The following ME1 variants were observed in gnomAD, a reference collection of about 807,000 sequenced individuals.
ME1 encodes NADP-dependent malic enzyme.
Under a neutral mutation model 66.4 loss-of-function variants are expected in ME1, and 74 were observed. The observed-to-expected ratio is 1.11, with a 90% CI of 0.92 to 1.35. ME1 has a LOEUF of 1.35. Among genes scored for constraint, ME1 ranks in the 40% most tolerant of loss-of-function variants. ME1 has a pLI of 0.00. For missense variants in ME1, 750 were observed against 694.1 expected, an observed-to-expected ratio of 1.08 and a Z score of -0.90; for synonymous variants, 251 against 235.6, an observed-to-expected ratio of 1.07 and a Z score of -0.60.
At chr6:83,287,136 CATT>C (rs1216411401) in intron 6 of ME1, among the ~76,000 whole-genome samples, 1 of 151,988 alleles carries the variant, frequency 6.6e-6, no homozygotes, top group Non-Finnish European at 1.5e-5. Context: ...AAATATGTAA[CATT>C]AATCTTATCA....
intron 12 of ME1, among the ~76,000 whole-genome samples, chr6:83,218,249 C>G (rs1790028139): frequency 6.6e-6 from 1 of 152,108 alleles, no homozygotes; most frequent in South Asian, 2.1e-4. Flanking sequence ...ACAGCCACCC[C>G]CTTCCAGAAG....
chr6:83,411,913 A>G (rs1009478225), intron 1 of ME1, among the ~76,000 whole-genome samples: 20 of 152,182 alleles, frequency 1.3e-4, no homozygotes, highest in African/African-American at 4.8e-4. Flanking sequence ...GCAGAATGGT[A>G]CGTTGTTTCA....
At chr6:83,309,706 T>C (rs1767895163) in intron 6 of ME1, among the ~76,000 whole-genome samples, 1 of 152,038 alleles carries the variant, frequency 6.6e-6, no homozygotes, top group Non-Finnish European at 1.5e-5. Context: ...TATGACTTGA[T>C]GAGATTACCA....
Position 83,385,460 on chromosome 6 carries a change from A to C in ME1, c.362+12907T>G, listed in dbSNP as rs919724757. Among the ~76,000 whole-genome samples, 3 of 151,946 alleles carry C rather than the reference A, an allele frequency of 2.0e-5. No homozygotes were observed. In the East Asian group the frequency reaches 5.8e-4, roughly 29 times the overall value. On this transcript the variant is annotated intron_variant, in intron 3 of 13. Coordinates refer to ENST00000369705, the MANE Select transcript of ME1 (RefSeq NM_002395.6). ...CCTGAACGTACCACACAGATTGTAC[A>C]AAAGTTATTTTTGGATCCTAAACTA...
intron 1 of ME1, among the ~76,000 whole-genome samples, chr6:83,430,135 G>A (rs1770456906): frequency 6.6e-6 from 1 of 152,096 alleles, no homozygotes; most frequent in Non-Finnish European, 1.5e-5. Context: ...AATAAAAAGA[G>A]AGCAGCTCTA....
intron 3 of ME1, among the ~76,000 whole-genome samples, chr6:83,374,441 T>C (rs1376743967): frequency 6.6e-6 from 1 of 152,184 alleles, no homozygotes; most frequent in Admixed American, 6.5e-5. Flanking sequence ...CACTTTTTGA[T>C]GGGGTTGTTT....
chr6:83,263,803 CATAACATAACATAACATAACATAACAT>C (rs1766940537), intron 6 of ME1, among the ~76,000 whole-genome samples: 1 of 147,456 alleles, frequency 6.8e-6, no homozygotes, highest in African/African-American at 2.5e-5. Flanking sequence ...CATAACATAA[CATAACATAACATAACATAACATAACAT>C]AACATAACAT....
chr6:83,294,331 T>A (rs1767555670), intron 6 of ME1, among the ~76,000 whole-genome samples: 1 of 152,198 alleles, frequency 6.6e-6, no homozygotes, highest in South Asian at 2.1e-4. Context: ...AGTCTTCAGA[T>A]ACACCATCTC....
intron 2 of ME1, among the ~76,000 whole-genome samples, chr6:83,399,836 C>T (rs1769808487): frequency 6.6e-6 from 1 of 152,158 alleles, no homozygotes; most frequent in African/African-American, 2.4e-5. Flanking sequence ...GTAAGAGATG[C>T]ATGGATTCCA....
At chr6:83,342,834 G>T (rs561277669) in intron 5 of ME1, among the ~76,000 whole-genome samples, 1 of 152,180 alleles carries the variant, frequency 6.6e-6, no homozygotes, top group African/African-American at 2.4e-5. Flanking sequence ...TTACAGGCAT[G>T]TGCCACCATG....
intron 5 of ME1, among the ~76,000 whole-genome samples, chr6:83,322,190 A>G (rs1768192678): frequency 6.6e-6 from 1 of 152,214 alleles, no homozygotes; most frequent in Admixed American, 6.5e-5. Flanking sequence ...ATCCATGAAG[A>G]TCAGCAAAAA....
chr6:83,405,724 T>A (rs576447817), intron 2 of ME1, among the ~76,000 whole-genome samples: 35 of 143,116 alleles, frequency 2.4e-4, no homozygotes, highest in Non-Finnish European at 5.1e-4. Flanking sequence ...TTGTTGTTGT[T>A]TTTTTTTTTT....
At chr6:83,240,869 A>G (rs1293198692) in intron 7 of ME1, among the ~76,000 whole-genome samples, 3 of 152,134 alleles carry the variant, frequency 2.0e-5, no homozygotes, top group Non-Finnish European at 4.4e-5. Flanking sequence ...ACAATAAACA[A>G]TAATTGTTGA....
intron 3 of ME1, among the ~76,000 whole-genome samples, chr6:83,359,942 G>A (rs1768976827): frequency 6.6e-6 from 1 of 152,188 alleles, no homozygotes; most frequent in South Asian, 2.1e-4. Context: ...AAGGTGGGTG[G>A]AGCTACCGTA....
chr6:83,221,245 G>T (rs1418174592), intron 12 of ME1, among the ~76,000 whole-genome samples: 1 of 152,098 alleles, frequency 6.6e-6, no homozygotes, highest in South Asian at 2.1e-4. Context: ...ATCATAACCA[G>T]AAATAAAATT....
intron 1 of ME1, among the ~76,000 whole-genome samples, chr6:83,428,399 T>C (rs1237013134): frequency 1.3e-5 from 2 of 152,156 alleles, no homozygotes; most frequent in African/African-American, 2.4e-5. Flanking sequence ...CATATATATA[T>C]GTAGAATGAA....
Position 83,211,966 on chromosome 6 carries a change from C to G in ME1, c.1677G>C (p.Trp559Cys). The change falls in exon 14 of 14, where the codon TGG (tryptophan) becomes TGC (cysteine). Residue 559 changes from tryptophan (W) to cysteine (C), a missense_variant. Physicochemically the swap from Trp to Cys is radical, Grantham distance 215 (BLOSUM62 -2). Transcript: ENST00000369705. ...TCTGTATTTTCTGCACCTCTTCAGG[C>G]CAAGAATAACAATCAGGTAGAATCT... ...YDQILPDCYS[W>C]PEEVQKIQTK... The G allele has an allele frequency of 6.2e-7, 1 of 1,607,740 alleles. No individual in the cohort carries two copies. Among genetic ancestry groups the G allele is most frequent in the Non-Finnish European group, 8.5e-7 (1 of 1,176,412 alleles).
At chr6:83,329,537 A>G (rs1054905166) in intron 5 of ME1, among the ~76,000 whole-genome samples, 7 of 152,204 alleles carry the variant, frequency 4.6e-5, no homozygotes, top group Non-Finnish European at 5.9e-5. Context: ...TATCATGCCT[A>G]TATCATGAAA....
intron 2 of ME1, among the ~76,000 whole-genome samples, chr6:83,402,514 C>G (rs543316181): frequency 2.6e-5 from 4 of 152,326 alleles, no homozygotes; most frequent in African/African-American, 9.6e-5. Context: ...TTGAGCACCA[C>G]ATGCCTCTGA....
Sources: allele counts gnomAD v4.1 joint callset (sites outside exome capture counted in the v4.1 genomes callset), GRCh38; gene constraint gnomAD v4.1.1; transcripts MANE v1.5; gene names NCBI Gene and HGNC (gene_info 2026-07-23, HGNC 2026-07-21).